Variants in ACVR1C observed in about 807,000 individuals in gnomAD.
The protein encoded by ACVR1C is activin receptor type-1C.
Under a neutral mutation model 57.9 loss-of-function variants are expected in ACVR1C, and 23 were observed. That is an observed-to-expected ratio of 0.40 (90% CI 0.29 to 0.56). The LOEUF (loss-of-function observed/expected upper bound fraction) is 0.56, where lower values mean the gene tolerates loss of function less well. ACVR1C is among the 20% of genes least tolerant of loss of function. ACVR1C has a pLI of 0.50. For synonymous variants in ACVR1C, 214 were observed against 215.3 expected (o/e 0.99, Z 0.05); for missense variants, 480 against 607.9 (o/e 0.79, Z 2.21).
Position 157,528,132 on chromosome 2 carries a change from A to G in ACVR1C, c.*5786T>C, listed in dbSNP as rs1425824995. 6.6e-6 allele frequency: 1 copy of G among 152,194 alleles called. No individual in the cohort carries two copies. Among genetic ancestry groups the G allele is most frequent in the Non-Finnish European group, 1.5e-5 (1 of 68,036 alleles). 9.4% of individuals were successfully genotyped at this position (152,194 alleles called of 1,614,324 possible). On this transcript the variant is annotated 3_prime_UTR_variant, in exon 9 of 9. Transcript: ENST00000243349. ...ACCATTCTTTAAACACATATAAGCC[A>G]ATAAGATGCTTCTCTGTAAAATATA... is the stretch of plus-strand genomic sequence containing the variant.
chr2:157,595,659 A>C (rs1456573074), intron 1 of ACVR1C, among the ~76,000 whole-genome samples: 2 of 152,118 alleles, frequency 1.3e-5, no homozygotes, highest in Non-Finnish European at 2.9e-5. Flanking sequence ...ATAAAGCAAA[A>C]TCCACAATCA....
At chr2:157,572,223 G>A (rs1430079379) in intron 2 of ACVR1C, among the ~76,000 whole-genome samples, 14 of 118,572 alleles carry the variant, frequency 1.2e-4, no homozygotes, top group Admixed American at 5.3e-4. Context: ...TGGTGGGGTC[G>A]GGGGAGGGGG....
intron 1 of ACVR1C, among the ~76,000 whole-genome samples, chr2:157,618,958 G>A (rs1477483387): frequency 6.6e-6 from 1 of 151,826 alleles, no homozygotes; most frequent in African/African-American, 2.4e-5. Context: ...AATTAGAGAT[G>A]TCAACAATCC....
chr2:157,589,563 C>A (rs982958072), intron 1 of ACVR1C, among the ~76,000 whole-genome samples: 5 of 151,886 alleles, frequency 3.3e-5, no homozygotes, highest in African/African-American at 9.7e-5. Flanking sequence ...ATCCCATGCT[C>A]ATAGATTGGA....
At chr2:157,614,406 C>T (rs1682597737) in intron 1 of ACVR1C, among the ~76,000 whole-genome samples, 1 of 152,080 alleles carries the variant, frequency 6.6e-6, no homozygotes, top group African/African-American at 2.4e-5. Flanking sequence ...TAGGTTTGTT[C>T]TATGCCCCCA....
intron 1 of ACVR1C, among the ~76,000 whole-genome samples, chr2:157,624,994 T>C (rs933184903): frequency 3.9e-5 from 6 of 152,222 alleles, no homozygotes; most frequent in African/African-American, 1.4e-4. Context: ...TTCTCTGCCT[T>C]ATTTGCTAAG....
chr2:157,544,343 C>A (rs1198400973), intron 5 of ACVR1C, 102 bp downstream of exon 5: 8 of 1,209,762 alleles, frequency 6.6e-6, no homozygotes, highest in Non-Finnish European at 8.9e-6. Flanking sequence ...CCGTGCCCAG[C>A]CTAAAGAAAT....
intron 1 of ACVR1C, among the ~76,000 whole-genome samples, chr2:157,619,237 A>G (rs990572779): frequency 7.3e-6 from 1 of 137,682 alleles, no homozygotes; most frequent in Non-Finnish European, 1.6e-5. Flanking sequence ...AGAATTCTGT[A>G]AAAAAAAAAA....
intron 1 of ACVR1C, among the ~76,000 whole-genome samples, chr2:157,588,736 C>T (rs1688986326): frequency 6.7e-6 from 1 of 150,312 alleles, no homozygotes; most frequent in African/African-American, 2.4e-5. Context: ...ATAATGGCCT[C>T]CAGTTCCATC....
intron 3 of ACVR1C, among the ~76,000 whole-genome samples, chr2:157,553,357 G>C (rs188754367): frequency 7.2e-5 from 11 of 151,816 alleles, no homozygotes; most frequent in African/African-American, 2.7e-4. Context: ...TTTCAGATTG[G>C]TATTTAAAGA....
chr2:157,600,854 G>C (rs558678364), intron 1 of ACVR1C, among the ~76,000 whole-genome samples: 1 of 152,140 alleles, frequency 6.6e-6, no homozygotes, highest in Admixed American at 6.5e-5. Flanking sequence ...TGGATACTAT[G>C]AGGAATTCAT....
At chr2:157,549,613 T>C (rs1687861242) in intron 4 of ACVR1C, among the ~76,000 whole-genome samples, 1 of 152,086 alleles carries the variant, frequency 6.6e-6, no homozygotes, top group Non-Finnish European at 1.5e-5. Context: ...CCCTGCTTCA[T>C]TGTATGGTTA....
At position 157,556,275 on chromosome 2, in the gene ACVR1C, G is replaced by A; in HGVS notation, c.362C>T (p.Pro121Leu). The change falls in exon 3 of 9, where the codon CCT becomes CTT. Residue 121 changes from proline (P) to leucine (L), a missense_variant. Pro to Leu is a moderately conservative substitution (Grantham distance 98, BLOSUM62 -3). Coordinates refer to ENST00000243349, the MANE Select transcript of ACVR1C (RefSeq NM_145259.3). ...PMELAIIITV[P>L]VCLLSIAAML... ...CGCAGCTATGGACAGGAGGCAAACA[G>A]GCACAGTAATAATGATGGCCAGCTC... 6.2e-7 allele frequency: 1 copy of A among 1,614,170 alleles called. No individual in the cohort carries two copies. The highest frequency in any genetic ancestry group is 8.5e-7 in the Non-Finnish European group (1 of 1,180,044).
intron 1 of ACVR1C, among the ~76,000 whole-genome samples, chr2:157,614,802 C>A (rs559119764): frequency 6.6e-6 from 1 of 152,046 alleles, no homozygotes; most frequent in Admixed American, 6.6e-5. Flanking sequence ...ATATAGCCAC[C>A]CCAGCTTTCT....
chr2:157,546,452 T>C (rs1268778515), intron 4 of ACVR1C, among the ~76,000 whole-genome samples: 1 of 152,216 alleles, frequency 6.6e-6, no homozygotes, highest in Non-Finnish European at 1.5e-5. Context: ...TAATAATGAG[T>C]ACTTTTATGA....
At chr2:157,554,233 A>AAGAGAGAG (rs1558974935) in intron 3 of ACVR1C, among the ~76,000 whole-genome samples, 2 of 131,240 alleles carry the variant, frequency 1.5e-5, no homozygotes, top group African/African-American at 7.6e-5. Flanking sequence ...GAAAGAAAGA[A>AAGAGAGAG]AGAAAGAAAG....
At chr2:157,550,069 C>G in intron 4 of ACVR1C, 93 bp downstream of exon 4, 5 of 849,392 alleles carry the variant, frequency 5.9e-6, no homozygotes, top group Non-Finnish European at 8.5e-6. Context: ...TTTATTTTTT[C>G]TTATCTGATA....
chr2:157,538,170 G>C (rs1687532416), intron 8 of ACVR1C, among the ~76,000 whole-genome samples: 1 of 152,140 alleles, frequency 6.6e-6, no homozygotes, highest in South Asian at 2.1e-4. Context: ...TGTGTCACCT[G>C]ATGCCAAAGC....
chr2:157,559,305 A>G (rs1688181137), intron 2 of ACVR1C, among the ~76,000 whole-genome samples: 1 of 152,214 alleles, frequency 6.6e-6, no homozygotes, highest in African/African-American at 2.4e-5. Context: ...GAAAAAGTCT[A>G]GCAACACCAT....
Sources: allele counts gnomAD v4.1 joint callset (sites outside exome capture counted in the v4.1 genomes callset), GRCh38; gene constraint gnomAD v4.1.1; transcripts MANE v1.5; gene names NCBI Gene and HGNC (gene_info 2026-07-23, HGNC 2026-07-21).